The following TMTC1 variants were observed in gnomAD, a reference collection of about 807,000 sequenced individuals.
TMTC1 encodes the protein protein O-mannosyl-transferase TMTC1.
In TMTC1, 73 loss-of-function variants were observed where a neutral mutation model predicts 104.8. That is an observed-to-expected ratio of 0.70 (90% CI 0.58 to 0.85). The LOEUF is 0.85. Ranked by LOEUF, TMTC1 falls within the 40% of genes least tolerant of loss-of-function variation. The pLI is 0.00. For missense variants in TMTC1, 1,035 were observed against 1,096.1 expected (o/e 0.94, Z 0.79); for synonymous variants, 434 against 428.7 (o/e 1.01, Z -0.15).
At chr12:29,516,285 C>T in intron 15 of TMTC1, 64 bp downstream of exon 15, 4 of 1,539,388 alleles carry the variant, frequency 2.6e-6, no homozygotes, top group Non-Finnish European at 2.6e-6. Flanking sequence ...ACTGGAGAAT[C>T]ACTTAGGTGC....
chr12:29,557,841 G>T (rs781152312), intron 9 of TMTC1, among the ~76,000 whole-genome samples: 2 of 152,114 alleles, frequency 1.3e-5, no homozygotes, highest in African/African-American at 4.8e-5. Flanking sequence ...AACTTAATCT[G>T]CAAAATGCCT....
At chr12:29,534,039 T>C (rs752720898) in intron 11 of TMTC1, 1 of 152,204 alleles carries the variant, frequency 6.6e-6, no homozygotes, top group African/African-American at 2.4e-5. Context: ...CTTCACTGTG[T>C]GTTACATGTT....
chr12:29,526,288 C>A (rs1944341776), intron 11 of TMTC1, among the ~76,000 whole-genome samples: 1 of 152,138 alleles, frequency 6.6e-6, no homozygotes, highest in Non-Finnish European at 1.5e-5. Context: ...GACCAGGTGG[C>A]CATTTAGGCT....
Position 29,691,914 on chromosome 12 carries a change from G to A in TMTC1, c.939-58578C>T, listed in dbSNP as rs1419159219. 2.8e-5 allele frequency among the ~76,000 whole-genome samples: 4 copies of A among 144,282 alleles called. 1 individual carries two copies. The Admixed American group carries it at 2.9e-4, about 10-fold the overall frequency. The allele number at this position is 144,282 out of a possible 152,430, so 94.7% of individuals were successfully genotyped here. A position where few individuals can be genotyped will look rare whatever the true frequency, so the allele number is the denominator to read the frequency against. The stretch of plus-strand genomic sequence containing the variant: ...GGGTCGCACATCACCTCTGTAAAAG[G>A]CATTATAGAAGACCTTAACAAATCG... On this transcript the variant is annotated intron_variant, in intron 5 of 17. Coordinates refer to ENST00000539277, the MANE Select transcript of TMTC1 (RefSeq NM_001193451.2).
At position 29,526,092 on chromosome 12, in the gene TMTC1, A is replaced by C. The variant is rs1477218465; in HGVS notation, c.1786-5372T>G. Among the ~76,000 whole-genome samples, 7 of 152,222 alleles carry C rather than the reference A, an allele frequency of 4.6e-5. No homozygotes were observed. The East Asian group carries it at 1.3e-3, about 29-fold the overall frequency. The stretch of plus-strand genomic sequence containing the variant: ...CATCAGGTAGCAGAAATGTACCTGA[A>C]GTTTTGATTGTCTTCCCAGGATTAT... On this transcript the variant is annotated intron_variant, in intron 11 of 17. Coordinates refer to ENST00000539277, the MANE Select transcript of TMTC1 (RefSeq NM_001193451.2).
chr12:29,731,098 C>T (rs972711728), intron 5 of TMTC1, among the ~76,000 whole-genome samples: 8 of 152,124 alleles, frequency 5.3e-5, no homozygotes, highest in Admixed American at 3.3e-4. Context: ...TCAGTGAACT[C>T]GTTTTTACTA....
intron 9 of TMTC1, among the ~76,000 whole-genome samples, chr12:29,570,879 A>ACT (rs1491187527): frequency 8.3e-6 from 1 of 120,400 alleles, no homozygotes; most frequent in Non-Finnish European, 1.7e-5. Context: ...AAAAACAGAA[A>ACT]CACCCCCCCC....
chr12:29,700,162 C>T (rs1408259538), intron 5 of TMTC1, among the ~76,000 whole-genome samples: 1 of 151,988 alleles, frequency 6.6e-6, no homozygotes, highest in East Asian at 1.9e-4. Flanking sequence ...GATCCTGCTG[C>T]CTCAGCCTCC....
At chr12:29,766,605 A>T (rs1943470146) in intron 2 of TMTC1, among the ~76,000 whole-genome samples, 1 of 152,138 alleles carries the variant, frequency 6.6e-6, no homozygotes, top group South Asian at 2.1e-4. Context: ...GGGCATAGTA[A>T]GATGCTGGTG....
chr12:29,556,936 C>T lies in TMTC1; in HGVS notation c.1597G>A (p.Ala533Thr), dbSNP rs773616746. Residue 533 changes from alanine (A) to threonine (T), a missense_variant, in exon 10 of 18, where the codon GCA (alanine) becomes ACA (threonine). Physicochemically the swap from Ala to Thr is moderately conservative, Grantham distance 58. Coordinates refer to ENST00000539277, the MANE Select transcript of TMTC1 (RefSeq NM_001193451.2). ...AGAGCCCTCTGATAGTACATCTTTG[C>T]CTCTGCTGTGTCTCTCGTCAGTGTT... ...LGTLTRDTAE[A>T]KMYYQRALQL... 1.2e-6 allele frequency: 2 copies of T among 1,614,142 alleles called. No homozygotes were observed. The highest frequency in any genetic ancestry group is 1.7e-6 in the Non-Finnish European group (2 of 1,179,996).
chr12:29,619,135 C>G (rs553913341), intron 6 of TMTC1, among the ~76,000 whole-genome samples: 1 of 151,986 alleles, frequency 6.6e-6, no homozygotes, highest in African/African-American at 2.4e-5. Context: ...TCCATTATAC[C>G]ACTATCTAAG....
At chr12:29,574,784 C>A (rs1408924351) in intron 8 of TMTC1, among the ~76,000 whole-genome samples, 1 of 152,212 alleles carries the variant, frequency 6.6e-6, no homozygotes, top group Non-Finnish European at 1.5e-5. Context: ...TCCTCACAGG[C>A]CCTATATCCA....
intron 1 of TMTC1, among the ~76,000 whole-genome samples, chr12:29,769,509 C>T (rs1054869096): frequency 4.6e-5 from 7 of 152,204 alleles, no homozygotes; most frequent in African/African-American, 1.7e-4. Flanking sequence ...ACCAGCATGC[C>T]ATTCCTGTAT....
At chr12:29,602,284 A>G (rs1338419004) in intron 7 of TMTC1, among the ~76,000 whole-genome samples, 6 of 152,060 alleles carry the variant, frequency 3.9e-5, no homozygotes, top group African/African-American at 1.2e-4. Context: ...TGGGACCACA[A>G]GTGCATCCCA....
intron 5 of TMTC1, among the ~76,000 whole-genome samples, chr12:29,672,493 C>A (rs1429284276): frequency 6.6e-6 from 1 of 152,132 alleles, no homozygotes; most frequent in Non-Finnish European, 1.5e-5. Flanking sequence ...CACTTTCTAT[C>A]CCACCTTTAT....
intron 1 of TMTC1, among the ~76,000 whole-genome samples, chr12:29,776,561 A>C (rs1180189631): frequency 3.3e-5 from 5 of 152,234 alleles, no homozygotes; most frequent in Non-Finnish European, 7.3e-5. Context: ...TTAAAAAATT[A>C]ATTCATTTTT....
chr12:29,627,091 A>C (rs1938038334), intron 6 of TMTC1, among the ~76,000 whole-genome samples: 1 of 152,140 alleles, frequency 6.6e-6, no homozygotes, highest in Non-Finnish European at 1.5e-5. Flanking sequence ...ACAAGAGCGA[A>C]ACTCCATCTC....
Position 29,731,242 on chromosome 12 carries a change from C to T in TMTC1, c.938+20424G>A, listed in dbSNP as rs530605401. Among the ~76,000 whole-genome samples the T allele has an allele frequency of 2.4e-4, 37 of 152,206 alleles. 1 individual carries two copies. In the South Asian group the frequency reaches 6.8e-3, roughly 28 times the overall value. The stretch of plus-strand genomic sequence containing the variant: ...TGCAATCTAGGCTCACTGCAACCTC[C>T]GCCTCCTGGATTCAAGTGATTCTCC... On this transcript the variant is annotated intron_variant, in intron 5 of 17. Transcript: ENST00000539277.
chr12:29,683,979 G>A (rs1941009420), intron 5 of TMTC1, among the ~76,000 whole-genome samples: 1 of 152,074 alleles, frequency 6.6e-6, no homozygotes, highest in South Asian at 2.1e-4. Context: ...AAGTAGCTGG[G>A]ACTATAGGCG....
Sources: allele counts gnomAD v4.1 joint callset (sites outside exome capture counted in the v4.1 genomes callset), GRCh38; gene constraint gnomAD v4.1.1; transcripts MANE v1.5; gene names NCBI Gene and HGNC (gene_info 2026-07-23, HGNC 2026-07-21).